The following CMIP variants were observed in gnomAD, a reference collection of about 807,000 sequenced individuals.
The protein encoded by CMIP is C-Maf-inducing protein.
In CMIP, 13 loss-of-function variants were observed where a neutral mutation model predicts 97.3. The ratio of observed to expected loss-of-function variants is 0.13; its 90% CI spans 0.09 to 0.21. The LOEUF (loss-of-function observed/expected upper bound fraction) is 0.21, where lower values mean the gene tolerates loss of function less well. Ranked by LOEUF, CMIP falls within the 10% of genes least tolerant of loss-of-function variation. CMIP has a pLI of 1.00. For missense variants in CMIP, 847 were observed against 1,024.9 expected (o/e 0.83, Z 2.37); for synonymous variants, 538 against 436.3 (o/e 1.23, Z -2.91).
chr16:81,499,345 T>C (rs904589519), intron 1 of CMIP, among the ~76,000 whole-genome samples: 4 of 152,102 alleles, frequency 2.6e-5, no homozygotes, highest in African/African-American at 9.7e-5. Context: ...CACACACCAC[T>C]TGCACACCCA....
chr16:81,617,346 G>C (rs1381105120), intron 2 of CMIP: 1 of 152,392 alleles, frequency 6.6e-6, no homozygotes, highest in Non-Finnish European at 1.5e-5. Context: ...ATCACCACCA[G>C]TGCAGGAAGG....
At chr16:81,447,106 C>G (rs1040697291) in intron 1 of CMIP, among the ~76,000 whole-genome samples, 3 of 152,170 alleles carry the variant, frequency 2.0e-5, no homozygotes, top group Non-Finnish European at 4.4e-5. Flanking sequence ...AGAGAGCCTC[C>G]GAAAATTTGC....
At chr16:81,509,162 C>G (rs1463689353) in intron 1 of CMIP, among the ~76,000 whole-genome samples, 3 of 152,256 alleles carry the variant, frequency 2.0e-5, no homozygotes, top group Non-Finnish European at 2.9e-5. Context: ...GTGTCACCAA[C>G]ACCGTGTGCT....
intron 1 of CMIP, among the ~76,000 whole-genome samples, chr16:81,469,485 C>T (rs1026000229): frequency 3.9e-5 from 6 of 152,240 alleles, no homozygotes; most frequent in South Asian, 4.1e-4. Context: ...AGAAAGTATA[C>T]AGGAAAAACA....
intron 1 of CMIP, among the ~76,000 whole-genome samples, chr16:81,583,585 C>A (rs1427777667): frequency 1.3e-5 from 2 of 152,174 alleles, no homozygotes; most frequent in Non-Finnish European, 2.9e-5. Flanking sequence ...GAGGGAGTGA[C>A]TGAGTCCCAA....
intron 1 of CMIP, among the ~76,000 whole-genome samples, chr16:81,494,650 G>C (rs1253467126): frequency 6.6e-6 from 1 of 152,062 alleles, no homozygotes; most frequent in East Asian, 1.9e-4. Flanking sequence ...TGCCTCCGCT[G>C]ATGCTTAAGG....
chr16:81,621,120 C>T lies in CMIP; in HGVS notation c.477+194C>T. On this transcript the variant is annotated intron_variant, in intron 3 of 20. Coordinates refer to ENST00000537098, the MANE Select transcript of CMIP (RefSeq NM_198390.3). This position sits in a 1 kb window ranked among gnomAD's most constrained non-coding sequence, Gnocchi z 4.1. ...TGTTCAATTCCTGTCCCCTGCAGTG[C>T]TGAAATAGCATTCTCGCCCTGGTGT... 2 of 582,240 alleles carry T rather than the reference C, an allele frequency of 3.4e-6. No homozygotes were observed. Among genetic ancestry groups the T allele is most frequent in the South Asian group, 4.1e-5 (2 of 49,346 alleles). 36.1% of individuals were successfully genotyped at this position (582,240 alleles called of 1,614,324 possible).
intron 1 of CMIP, among the ~76,000 whole-genome samples, chr16:81,566,188 C>G (rs1481500459): frequency 2.0e-5 from 3 of 152,190 alleles, no homozygotes; most frequent in Non-Finnish European, 2.9e-5. Context: ...GGAGGGTGCG[C>G]CGGTGTGGCT....
chr16:81,486,102 C>T (rs1202977817), intron 1 of CMIP, among the ~76,000 whole-genome samples: 1 of 152,222 alleles, frequency 6.6e-6, no homozygotes, highest in Non-Finnish European at 1.5e-5. Flanking sequence ...CTGTTCTTGG[C>T]GTGTTGGTTT....
intron 1 of CMIP, among the ~76,000 whole-genome samples, chr16:81,551,525 A>G (rs1597547574): frequency 6.6e-6 from 1 of 152,234 alleles, no homozygotes; most frequent in East Asian, 1.9e-4. Context: ...ACGTCGGGCC[A>G]GCCATGTCAG....
At chr16:81,544,602 C>T (rs2090509686) in intron 1 of CMIP, among the ~76,000 whole-genome samples, 1 of 151,582 alleles carries the variant, frequency 6.6e-6, no homozygotes, top group Non-Finnish European at 1.5e-5. Context: ...TGCAGGGTGC[C>T]AGGACCACCA....
intron 2 of CMIP, among the ~76,000 whole-genome samples, chr16:81,609,715 G>C (rs1356920334): frequency 2.0e-5 from 3 of 152,234 alleles, no homozygotes; most frequent in Non-Finnish European, 4.4e-5. Context: ...AAGTGTGCCA[G>C]AATGGTGGGG....
chr16:81,705,537 C>T lies in CMIP; in HGVS notation c.2130C>T (p.Leu710=), dbSNP rs1174732220. The change falls in exon 19 of 21, where the codon CTC becomes CTT. Residue 710 remains leucine (L), a synonymous_variant. Transcript: ENST00000537098. ...GCCTTCGGCTCCTGTCGGAACACCTCACCATGCTCCAGGTGCTGAACCTGT... is the reference window on the plus strand; with the variant it reads ...GCCTTCGGCTCCTGTCGGAACACCTTACCATGCTCCAGGTGCTGAACCTGT... ...DAGLRLLSEH[L]TMLQVLNLCE... is the part of the protein sequence containing the mutation. The T allele has an allele frequency of 1.9e-6, 3 of 1,609,082 alleles. No homozygotes were observed. The African/African-American group carries it at 4.0e-5, about 21-fold the overall frequency.
intron 1 of CMIP, among the ~76,000 whole-genome samples, chr16:81,501,289 A>G (rs1220731451): frequency 6.6e-6 from 1 of 152,248 alleles, no homozygotes; most frequent in East Asian, 1.9e-4. Context: ...GTTGTGACGC[A>G]CGGGCAGCAA....
intron 2 of CMIP, chr16:81,618,489 G>A (rs147601155): frequency 9.4e-4 from 143 of 152,316 alleles, no homozygotes; most frequent in African/African-American, 3.4e-3. Context: ...ACATGTTTAG[G>A]GGGCTTTATT....
At chr16:81,465,039 C>T (rs1567529054) in intron 1 of CMIP, among the ~76,000 whole-genome samples, 1 of 152,136 alleles carries the variant, frequency 6.6e-6, no homozygotes, top group Non-Finnish European at 1.5e-5. Flanking sequence ...TTTATTATCG[C>T]CCCTGCTTTT....
At chr16:81,552,002 C>T (rs1375876278) in intron 1 of CMIP, among the ~76,000 whole-genome samples, 1 of 152,178 alleles carries the variant, frequency 6.6e-6, no homozygotes, top group Non-Finnish European at 1.5e-5. Flanking sequence ...GGTCCTTCCA[C>T]CTGGTGACTC....
At chr16:81,640,204 G>A (rs757570120) in intron 3 of CMIP, among the ~76,000 whole-genome samples, 6 of 152,014 alleles carry the variant, frequency 3.9e-5, no homozygotes, top group East Asian at 1.9e-4. Context: ...TTATGCAATC[G>A]GGTAATGGGC....
chr16:81,526,214 T>C (rs1002846163), intron 1 of CMIP, among the ~76,000 whole-genome samples: 2 of 152,234 alleles, frequency 1.3e-5, no homozygotes, highest in African/African-American at 4.8e-5. Flanking sequence ...AGAAAGCTCC[T>C]GACTTCCAGG....
Sources: gnomAD v4.1 joint callset for allele counts (sites outside exome capture counted in the v4.1 genomes callset) on GRCh38, gnomAD v4.1.1 for gene constraint, Gnocchi (gnomAD v3.1) non-coding constraint, MANE v1.5 for transcripts, NCBI Gene and HGNC (gene_info 2026-07-23, HGNC 2026-07-21) for gene names.